The following ACACA variants were observed in gnomAD, a reference collection of about 807,000 sequenced individuals.
ACACA encodes acetyl-CoA carboxylase alpha.
Under a neutral mutation model 296.1 loss-of-function variants are expected in ACACA, and 103 were observed. The observed-to-expected ratio is 0.35, with a 90% CI of 0.30 to 0.41. The LOEUF is 0.41. ACACA is among the 10% of genes least tolerant of loss of function. The pLI is 1.00. For synonymous variants in ACACA, 953 were observed against 1,038.6 expected (o/e 0.92, Z 1.58); for missense variants, 1,554 against 2,989.7 (o/e 0.52, Z 11.20).
chr17:37,129,336 T>G, intron 47 of ACACA, 29 bp downstream of exon 47: 2 of 1,613,798 alleles, frequency 1.2e-6, no homozygotes, highest in Non-Finnish European at 1.7e-6. Flanking sequence ...AAGAGCCAGG[T>G]ACCATGGGGT....
intron 52 of ACACA, among the ~76,000 whole-genome samples, chr17:37,102,799 T>C (rs796403715): frequency 3.9e-5 from 6 of 152,352 alleles, no homozygotes; most frequent in African/African-American, 1.4e-4. Context: ...AACAAAGGTC[T>C]TGCCCTCTCA....
In ACACA at chr17:37,318,457, T is replaced by A. The variant is rs556918734; in HGVS notation, c.338+11716A>T. 1.9e-4 allele frequency among the ~76,000 whole-genome samples: 29 copies of A among 152,306 alleles called. 1 individual carries two copies. Among genetic ancestry groups the A allele is most frequent in the African/African-American group, 5.5e-4 (23 of 41,572 alleles). ...GGTTTCGCCATGTTGGCCAGGCTGG[T>A]TTTGAACTCCTCACCTCAGGAGATC... is the stretch of plus-strand genomic sequence containing the variant. On this transcript the variant is annotated intron_variant, in intron 3 of 55. Coordinates refer to ENST00000616317, the MANE Select transcript of ACACA (RefSeq NM_198834.3).
intron 45 of ACACA, among the ~76,000 whole-genome samples, chr17:37,142,263 CG>C (rs2075622558): frequency 6.6e-6 from 1 of 152,098 alleles, no homozygotes. Flanking sequence ...CTCTGTGTGG[CG>C]ATTCCACCCT....
chr17:37,108,073 A>C (rs920882469), intron 52 of ACACA, among the ~76,000 whole-genome samples: 2 of 152,054 alleles, frequency 1.3e-5, no homozygotes, highest in Non-Finnish European at 2.9e-5. Context: ...CCTTGCAATG[A>C]CTCTACCAAG....
intron 1 of ACACA, among the ~76,000 whole-genome samples, chr17:37,373,447 T>A (rs149725818): frequency 0.015 from 2,330 of 151,694 alleles, 39 homozygotes; most frequent in African/African-American, 0.046. Context: ...GGGTTTAACC[T>A]TGTTAGTCAA....
intron 2 of ACACA, 62 bp from the exon 3 acceptor site, chr17:37,330,487 G>T: frequency 6.3e-7 from 1 of 1,598,096 alleles, no homozygotes; most frequent in Non-Finnish European, 8.5e-7. Context: ...TCTGAGGTCA[G>T]CCAGAGGTTA....
intron 1 of ACACA, among the ~76,000 whole-genome samples, chr17:37,344,571 AAAAT>A (rs967352741): frequency 3.9e-5 from 6 of 152,030 alleles, no homozygotes; most frequent in African/African-American, 1.4e-4. Flanking sequence ...AAAATAAATA[AAAAT>A]AAATAAATAA....
chr17:37,119,957 A>C, intron 50 of ACACA, among the ~76,000 whole-genome samples: 1 of 149,362 alleles, frequency 6.7e-6, no homozygotes, highest in Non-Finnish European at 1.5e-5. Flanking sequence ...CAGTGGTGCA[A>C]TCTCGGCTCA....
intron 24 of ACACA, among the ~76,000 whole-genome samples, chr17:37,236,423 C>T (rs2080113646): frequency 6.6e-6 from 1 of 151,304 alleles, no homozygotes; most frequent in Non-Finnish European, 1.5e-5. Context: ...AAAAAGAACA[C>T]ATTTACCCGG....
intron 3 of ACACA, chr17:37,328,762 A>T: frequency 2.5e-6 from 1 of 397,456 alleles, no homozygotes; most frequent in Non-Finnish European, 4.4e-6. Flanking sequence ...AACAGCAACA[A>T]CAGCCACCCT....
chr17:37,177,467 A>G (rs2077163419), intron 41 of ACACA, among the ~76,000 whole-genome samples: 2 of 152,122 alleles, frequency 1.3e-5, no homozygotes, highest in Non-Finnish European at 2.9e-5. Context: ...TCGCTCAAAC[A>G]CAGAATGAGG....
chr17:37,189,058 G>A (rs1001069560), intron 38 of ACACA, among the ~76,000 whole-genome samples: 1 of 152,138 alleles, frequency 6.6e-6, no homozygotes. Flanking sequence ...CTGAAGCTTG[G>A]CCACTGCTAA....
intron 49 of ACACA, 100 bp downstream of exon 49, chr17:37,122,431 C>G: frequency 1.0e-6 from 1 of 983,040 alleles, no homozygotes; most frequent in Non-Finnish European, 1.7e-6. Context: ...ATGCCCTTCC[C>G]TCTAAAACTG....
At chr17:37,349,448 A>G in intron 1 of ACACA, among the ~76,000 whole-genome samples, 1 of 147,944 alleles carries the variant, frequency 6.8e-6, no homozygotes, top group Middle Eastern at 3.6e-3. Flanking sequence ...TATAGATAAG[A>G]TATATCTTAC....
intron 29 of ACACA, among the ~76,000 whole-genome samples, chr17:37,212,099 A>T (rs895160363): frequency 2.6e-5 from 4 of 152,234 alleles, no homozygotes; most frequent in African/African-American, 9.6e-5. Context: ...GTTTCTTAGC[A>T]TGAATCTCAG....
chr17:37,212,282 C>T (rs1001231952), intron 29 of ACACA, among the ~76,000 whole-genome samples: 2 of 152,136 alleles, frequency 1.3e-5, no homozygotes, highest in Admixed American at 6.5e-5. Context: ...CACAGGATGA[C>T]GGCCATGTTT....
chr17:37,349,027 G>C (rs1035046522), intron 1 of ACACA, among the ~76,000 whole-genome samples: 3 of 151,146 alleles, frequency 2.0e-5, no homozygotes, highest in East Asian at 1.9e-4. Context: ...TTGGATAAAG[G>C]GTTTTCAGAA....
chr17:37,243,133 G>A (rs1450343827), intron 22 of ACACA, among the ~76,000 whole-genome samples: 2 of 152,158 alleles, frequency 1.3e-5, no homozygotes, highest in Non-Finnish European at 2.9e-5. Context: ...CAGGAACAAA[G>A]CTATAAGGTA....
intron 1 of ACACA, among the ~76,000 whole-genome samples, chr17:37,374,988 G>A (rs2038543995): frequency 6.6e-6 from 1 of 152,030 alleles, no homozygotes; most frequent in African/African-American, 2.4e-5. Context: ...TTGAGGTCAG[G>A]AGTTCGAGAC....
Sources: gnomAD v4.1 joint callset for allele counts (sites outside exome capture counted in the v4.1 genomes callset) on GRCh38, gnomAD v4.1.1 for gene constraint, MANE v1.5 for transcripts, NCBI Gene and HGNC (gene_info 2026-07-23, HGNC 2026-07-21) for gene names.